The following UTS2B variants were observed in gnomAD, a reference collection of about 807,000 sequenced individuals.
The protein encoded by UTS2B is urotensin-2B.
In UTS2B, 21 loss-of-function variants were observed where a neutral mutation model predicts 19.2. The observed-to-expected ratio is 1.09, with a 90% CI of 0.78 to 1.58. The LOEUF (loss-of-function observed/expected upper bound fraction) is 1.58, where lower values mean the gene tolerates loss of function less well. Among genes scored for constraint, UTS2B ranks in the 40% most tolerant of loss-of-function variants. The pLI is 0.00. For missense variants in UTS2B, 138 were observed against 130.3 expected (o/e 1.06, Z -0.29); for synonymous variants, 57 against 50.2 (o/e 1.14, Z -0.58).
intron 4 of UTS2B, among the ~76,000 whole-genome samples, chr3:191,296,263 T>C (rs1560139598): frequency 6.9e-6 from 1 of 144,714 alleles, no homozygotes; most frequent in African/African-American, 2.5e-5. Context: ...TTACACACAC[T>C]CACACACACA....
upstream of UTS2B, among the ~76,000 whole-genome samples, chr3:191,332,117 G>A (rs1339907248): frequency 2.0e-5 from 3 of 152,162 alleles, no homozygotes; most frequent in Non-Finnish European, 4.4e-5. Context: ...TGTTTAGGAG[G>A]GGATGGGGCA....
chr3:191,288,519 G>A (rs1299680231), intron 4 of UTS2B, among the ~76,000 whole-genome samples: 3 of 152,108 alleles, frequency 2.0e-5, no homozygotes, highest in Non-Finnish European at 2.9e-5. Context: ...ACATACCACA[G>A]GGAAAGGAGA....
chr3:191,317,567 T>TTTGTTGTTGTTGTTG (rs61650426), intron 2 of UTS2B, among the ~76,000 whole-genome samples: 1,767 of 151,432 alleles, frequency 0.012, 16 homozygotes, highest in South Asian at 0.024. Context: ...TAGGATAGTC[T>TTTGTTGTTGTTGTTG]TTGTTGTTGT....
chr3:191,345,973 G>T, the UTS2B span, among the ~76,000 whole-genome samples: 1 of 152,104 alleles, frequency 6.6e-6, no homozygotes, highest in Admixed American at 6.5e-5. Flanking sequence ...GAATTTACTT[G>T]TACAGTTGAT....
At chr3:191,341,657 A>C in the UTS2B span, among the ~76,000 whole-genome samples, 1 of 152,208 alleles carries the variant, frequency 6.6e-6, no homozygotes, top group Non-Finnish European at 1.5e-5. Flanking sequence ...TTTGTTGGGA[A>C]TAGAGAACTA....
upstream of UTS2B, among the ~76,000 whole-genome samples, chr3:191,334,222 G>T (rs867908498): frequency 6.6e-6 from 1 of 152,080 alleles, no homozygotes; most frequent in Non-Finnish European, 1.5e-5. Context: ...CTTTGCTGTG[G>T]TATAGAATGC....
chr3:191,336,075 T>A, the UTS2B span, among the ~76,000 whole-genome samples: 173 of 152,158 alleles, frequency 1.1e-3, no homozygotes, highest in Non-Finnish European at 1.9e-3. Context: ...GAAGAACATA[T>A]GAGTTTTCAG....
At position 191,273,901 on chromosome 3, in the gene UTS2B, C is replaced by T. The variant is rs189569015; in HGVS notation, c.334+1351G>A. Among the ~76,000 whole-genome samples, 6 of 152,252 alleles carry T rather than the reference C, an allele frequency of 3.9e-5. No individual in the cohort carries two copies. In the East Asian group the frequency reaches 1.2e-3, roughly 29 times the overall value. The stretch of plus-strand genomic sequence containing the variant: ...CTTTTATTTGAAATATATCCAGAAT[C>T]AGACCAGCCTAACCAACATGGTGAA... On this transcript the variant is annotated intron_variant, in intron 8 of 8. Coordinates refer to ENST00000340524, the MANE Select transcript of UTS2B (RefSeq NM_198152.5).
intron 4 of UTS2B, among the ~76,000 whole-genome samples, chr3:191,298,457 C>T (rs1006037226): frequency 1.3e-5 from 2 of 152,146 alleles, no homozygotes; most frequent in East Asian, 3.9e-4. Context: ...TCTGTTCCTC[C>T]TGCTCTGGCC....
At chr3:191,287,492 G>GAAC (rs1716588254) in intron 4 of UTS2B, among the ~76,000 whole-genome samples, 1 of 151,880 alleles carries the variant, frequency 6.6e-6, no homozygotes, top group African/African-American at 2.4e-5. Context: ...ATCGAACGAA[G>GAAC]AACAAAACTA....
At chr3:191,290,998 G>GA (rs1452093654) in intron 4 of UTS2B, among the ~76,000 whole-genome samples, 1 of 152,036 alleles carries the variant, frequency 6.6e-6, no homozygotes, top group East Asian at 1.9e-4. Flanking sequence ...GTAGTTAAAT[G>GA]AAAAAAATAG....
intron 2 of UTS2B, among the ~76,000 whole-genome samples, chr3:191,324,059 T>C (rs1265042901): frequency 6.6e-6 from 1 of 152,180 alleles, no homozygotes; most frequent in Admixed American, 6.5e-5. Context: ...GATTGGGTCA[T>C]GAGAGCTCTG....
At chr3:191,283,864 A>T (rs756427312) in intron 4 of UTS2B, among the ~76,000 whole-genome samples, 33 of 152,218 alleles carry the variant, frequency 2.2e-4, no homozygotes, top group Non-Finnish European at 4.4e-5. Context: ...TGTCATTCAA[A>T]TATACCTTGA....
intron 4 of UTS2B, among the ~76,000 whole-genome samples, chr3:191,289,495 C>T (rs959579391): frequency 2.7e-5 from 4 of 149,448 alleles, no homozygotes; most frequent in Non-Finnish European, 6.0e-5. Context: ...ATATTCATCA[C>T]GGCATTATTC....
At chr3:191,328,088 A>G (rs1335819838) in intron 2 of UTS2B, 1 of 152,202 alleles carries the variant, frequency 6.6e-6, no homozygotes, top group Admixed American at 6.5e-5. Flanking sequence ...TCAGTGGCGT[A>G]GATTTGGCCT....
intron 7 of UTS2B, among the ~76,000 whole-genome samples, chr3:191,275,704 A>C (rs201070121): frequency 2.8e-4 from 27 of 97,542 alleles, no homozygotes; most frequent in East Asian, 2.1e-3. Context: ...CAAACAACAA[A>C]AAAAAAACCA....
intron 6 of UTS2B, among the ~76,000 whole-genome samples, chr3:191,277,199 A>G (rs555138279): frequency 2.0e-5 from 3 of 152,134 alleles, no homozygotes; most frequent in Non-Finnish European, 4.4e-5. Context: ...GAAGCAAGCC[A>G]TGTATTCTAT....
At chr3:191,327,863 T>G (rs1717789397) in intron 2 of UTS2B, among the ~76,000 whole-genome samples, 2 of 152,196 alleles carry the variant, frequency 1.3e-5, no homozygotes, top group Non-Finnish European at 2.9e-5. Context: ...ATTAAAAAAT[T>G]CCCATAAATC....
chr3:191,335,644 G>A, the UTS2B span, among the ~76,000 whole-genome samples: 1 of 152,046 alleles, frequency 6.6e-6, no homozygotes, highest in Non-Finnish European at 1.5e-5. Flanking sequence ...TTAAGTGTGT[G>A]TGCATAGGAT....
Sources: gnomAD v4.1 joint callset for allele counts (sites outside exome capture counted in the v4.1 genomes callset) on GRCh38, gnomAD v4.1.1 for gene constraint, MANE v1.5 for transcripts, NCBI Gene and HGNC (gene_info 2026-07-23, HGNC 2026-07-21) for gene names.